The following CEP250 variants were observed in gnomAD, a reference collection of about 807,000 sequenced individuals.
CEP250 encodes the protein centrosome-associated protein CEP250.
A neutral mutation model predicts 315.7 loss-of-function variants in CEP250; 242 were observed. That is an observed-to-expected ratio of 0.77 (90% CI 0.69 to 0.85). The LOEUF (loss-of-function observed/expected upper bound fraction) is 0.85. CEP250 is among the 40% of genes least tolerant of loss of function. The pLI, the probability that CEP250 is intolerant of heterozygous loss-of-function variation, is 0.00. For missense variants in CEP250, 2,515 were observed against 2,886.4 expected (o/e 0.87, Z 2.95); for synonymous variants, 1,088 against 1,175.0 (o/e 0.93, Z 1.51).
rs750943379 is a variant in CEP250 at position 35,493,452 on chromosome 20, C to T, written c.2913C>T (p.Thr971=). The part of the protein sequence containing the change: ...KEQETTGILQ[T]QLQEAQRELK... ...AGGAGACCACTGGGATACTACAGAC[C>T]CAGCTCCAGGAGGCTCAACGGGAGC... Residue 971 remains threonine, a synonymous_variant, in exon 23 of 35, where the codon ACC becomes ACT. Coordinates refer to ENST00000397527, the MANE Select transcript of CEP250 (RefSeq NM_007186.6). 3 of 1,607,124 alleles carry T rather than the reference C, an allele frequency of 1.9e-6. No individual in the cohort carries two copies. Among genetic ancestry groups the T allele is most frequent in the Non-Finnish European group, 2.5e-6 (3 of 1,177,072 alleles).
intron 1 of CEP250, among the ~76,000 whole-genome samples, chr20:35,458,091 C>T (rs1201084150): frequency 1.3e-5 from 2 of 152,084 alleles, no homozygotes. Flanking sequence ...TGTTTGTGTC[C>T]TCAAGTATTT....
intron 10 of CEP250, among the ~76,000 whole-genome samples, chr20:35,470,479 G>C (rs1375278461): frequency 6.6e-6 from 1 of 152,228 alleles, no homozygotes; most frequent in Non-Finnish European, 1.5e-5. Flanking sequence ...GCCGGGCGCG[G>C]TGGCTCACGC....
chr20:35,504,493 C>T lies in CEP250; in HGVS notation c.6124C>T (p.Gln2042Ter), dbSNP rs2064125116. Residue 2042 changes from glutamine to a stop codon, truncating the protein, a stop_gained, in exon 30 of 35, where the codon CAG becomes TAG. Transcript: ENST00000397527. LOFTEE classifies it high-confidence loss of function. The stretch of plus-strand genomic sequence containing the variant: ...CCAGGAGGATGTGCAGCAGCTGCAG[C>T]AGGCACTTGCCCAGAGGGATGAAGA... ...RYQEDVQQLQ[Q>*]ALAQRDEELR... 6.2e-7 allele frequency: 1 copy of T among 1,613,740 alleles called. No individual in the cohort carries two copies.
intron 30 of CEP250, 108 bp from the exon 31 acceptor site, chr20:35,507,630 A>G (rs1163684574): frequency 1.2e-6 from 1 of 851,862 alleles, no homozygotes; most frequent in African/African-American, 1.7e-5. Flanking sequence ...TAGGAAAAAT[A>G]AGACAAAAGC....
chr20:35,476,328 G>T (rs2063172781), intron 15 of CEP250, 121 bp from the exon 16 acceptor site: 1 of 854,456 alleles, frequency 1.2e-6, no homozygotes, highest in Non-Finnish European at 1.8e-6. Flanking sequence ...TAGAATGCAG[G>T]AGAGGGAATG....
At chr20:35,510,113 C>T (rs1460140128) in intron 34 of CEP250, 59 bp downstream of exon 34, 44 of 1,486,396 alleles carry the variant, frequency 3.0e-5, no homozygotes, top group Non-Finnish European at 4.1e-5. Context: ...CCTTTGTGCA[C>T]CTCCAGCAGG....
At chr20:35,496,851 A>G (rs914651178) in intron 25 of CEP250, 136 bp downstream of exon 25, 2 of 915,682 alleles carry the variant, frequency 2.2e-6, no homozygotes, top group African/African-American at 3.4e-5. Context: ...TGGTGCCTCA[A>G]CACCCCTACA....
chr20:35,482,556 TTTTTTTA>T (rs1413074972), intron 20 of CEP250, among the ~76,000 whole-genome samples: 2 of 147,758 alleles, frequency 1.4e-5, no homozygotes, highest in East Asian at 2.0e-4. Flanking sequence ...TTTTTATATT[TTTTTTTA>T]TTTTTTATTT....
At chr20:35,499,823 A>C (rs1410308642) in intron 27 of CEP250, among the ~76,000 whole-genome samples, 1 of 152,172 alleles carries the variant, frequency 6.6e-6, no homozygotes, top group Non-Finnish European at 1.5e-5. Flanking sequence ...AGACATAGAT[A>C]GGTCAGAAGG....
At chr20:35,469,673 C>T (rs2062975179) in intron 9 of CEP250, among the ~76,000 whole-genome samples, 1 of 152,134 alleles carries the variant, frequency 6.6e-6, no homozygotes, top group South Asian at 2.1e-4. Context: ...GTGGTAAATC[C>T]CTGCATGTGT....
intron 5 of CEP250, among the ~76,000 whole-genome samples, chr20:35,465,474 C>T (rs1026550146): frequency 1.3e-5 from 2 of 151,610 alleles, no homozygotes; most frequent in East Asian, 1.9e-4. Context: ...AAGGTCAAAC[C>T]GTTAGTGTAG....
intron 14 of CEP250, chr20:35,474,666 C>CTGTA (rs781499956): frequency 4.9e-6 from 2 of 404,886 alleles, no homozygotes; most frequent in Non-Finnish European, 1.0e-5. Flanking sequence ...CCCAGCTAAT[C>CTGTA]TGTAAATTCC....
Position 35,511,586 on chromosome 20 carries a change from T to G in CEP250, c.7289T>G (p.Leu2430Arg), listed in dbSNP as rs1568852187. 1 of 1,613,380 alleles carries G rather than the reference T, an allele frequency of 6.2e-7. No homozygotes were observed. Among genetic ancestry groups the G allele is most frequent in the South Asian group, 1.1e-5 (1 of 91,038 alleles). Residue 2430 changes from leucine (L) to arginine (R), a missense_variant, in exon 35 of 35, where the codon CTA becomes CGA. Leu to Arg is a moderately radical substitution (Grantham distance 102, BLOSUM62 -2). Coordinates refer to ENST00000397527, the MANE Select transcript of CEP250 (RefSeq NM_007186.6). ...CTGACATCCCCAGGGCCAGTCCTGC[T>G]ACACCCCAGCCCCAGCACTACCCAA... ...QSLTSPGPVL[L>R]HPSPSTTQAA...
Position 35,516,264 on chromosome 20 carries a change from T to C in CEP250, c.*4638T>C, listed in dbSNP as rs2064435107. ...AGAATTCATATTCAAATGTGATTCT[T>C]TCTTAATTACTACCAGTTGTTCAGG... is the stretch of plus-strand genomic sequence containing the variant. On this transcript the variant is annotated 3_prime_UTR_variant, in exon 35 of 35. Coordinates refer to ENST00000397527, the MANE Select transcript of CEP250 (RefSeq NM_007186.6). 6.6e-6 allele frequency: 1 copy of C among 152,246 alleles called. No individual in the cohort carries two copies. Among genetic ancestry groups the C allele is most frequent in the Non-Finnish European group, 1.5e-5 (1 of 68,048 alleles). The allele number at this position is 152,246 out of a possible 1,614,324, so 9.4% of individuals were successfully genotyped here. A position where few individuals can be genotyped will look rare whatever the true frequency, so the allele number is the denominator to read the frequency against.
rs113924697 is a variant in CEP250 at position 35,494,674 on chromosome 20, A to G, written c.3167+17A>G. The G allele has an allele frequency of 5.2e-5, 84 of 1,613,358 alleles. 3 individuals carry two copies. In the African/African-American group the frequency reaches 5.9e-4, roughly 11 times the overall value. On this transcript the variant is annotated intron_variant, in intron 24 of 34. Transcript: ENST00000397527. ...GAAAGCCAGGTAGGCTAGATAGGCC[A>G]TGGAGGTGGCTTTTGTCTATCTGGC...
At position 35,516,873 on chromosome 20, in the gene CEP250, G is replaced by A; in HGVS notation, c.*5247G>A. 1 of 488,842 alleles carries A rather than the reference G, an allele frequency of 2.0e-6. No individual in the cohort carries two copies. Among genetic ancestry groups the A allele is most frequent in the Non-Finnish European group, 2.7e-6 (1 of 375,868 alleles). 30.3% of individuals were successfully genotyped at this position (488,842 alleles called of 1,614,324 possible). ...GGGGTACATCCAGAAGCAATGGCAG[G>A]TGTTATCCATTCATTCAGGTTAGAC... On this transcript the variant is annotated 3_prime_UTR_variant, in exon 35 of 35. Coordinates refer to ENST00000397527, the MANE Select transcript of CEP250 (RefSeq NM_007186.6).
rs1189293453 is a variant in CEP250 at position 35,517,398 on chromosome 20, A to C, written c.*5772A>C. On this transcript the variant is annotated 3_prime_UTR_variant, in exon 35 of 35. Coordinates refer to ENST00000397527, the MANE Select transcript of CEP250 (RefSeq NM_007186.6). Reference sequence around the variant, plus strand: ...TGGCATGTTGTATATCTGAGAGAGGAGCTGCCTATTCACAGTGTAGGGTTG... The same window carrying C: ...TGGCATGTTGTATATCTGAGAGAGGCGCTGCCTATTCACAGTGTAGGGTTG... 6.6e-6 allele frequency: 1 copy of C among 152,186 alleles called. No individual in the cohort carries two copies. Among genetic ancestry groups the C allele is most frequent in the Admixed American group, 6.5e-5 (1 of 15,280 alleles). 9.4% of individuals were successfully genotyped at this position (152,186 alleles called of 1,614,324 possible).
In CEP250 at chr20:35,472,728, T is replaced by C. The variant is rs2146783460; in HGVS notation, c.1106T>C (p.Leu369Ser). Residue 369 changes from leucine (L) to serine (S), a missense_variant, in exon 12 of 35, where the codon TTG becomes TCG. Physicochemically the swap from Leu to Ser is moderately radical, Grantham distance 145. Coordinates refer to ENST00000397527, the MANE Select transcript of CEP250 (RefSeq NM_007186.6). ...CAAGGCTCTGGTCATGAGAACTCTTTGGAATTGGACTCTAGTATCTTCTCC... is the reference window on the plus strand; with the variant it reads ...CAAGGCTCTGGTCATGAGAACTCTTCGGAATTGGACTCTAGTATCTTCTCC... ...IAQGSGHENSLELDSSIFSQF... is the reference protein window; with the variant it reads ...IAQGSGHENSSELDSSIFSQF... 6.2e-7 allele frequency: 1 copy of C among 1,614,152 alleles called. No homozygotes were observed. The highest frequency in any genetic ancestry group is 1.1e-5 in the South Asian group (1 of 91,082).
intron 5 of CEP250, among the ~76,000 whole-genome samples, chr20:35,464,660 T>C (rs2062831064): frequency 6.6e-6 from 1 of 152,180 alleles, no homozygotes. Context: ...CAGTGGCTCA[T>C]GCCTGTAATC....
Sources: gnomAD v4.1 joint callset for allele counts (sites outside exome capture counted in the v4.1 genomes callset) on GRCh38, gnomAD v4.1.1 for gene constraint, MANE v1.5 for transcripts, NCBI Gene and HGNC (gene_info 2026-07-23, HGNC 2026-07-21) for gene names.